The following SEPTIN3 variants were observed in gnomAD, a reference collection of about 807,000 sequenced individuals.
SEPTIN3 encodes neuronal-specific septin-3.
SEPTIN3 carries 15 observed loss-of-function variants against 45.1 expected under a neutral mutation model. The observed-to-expected ratio is 0.33, with a 90% CI of 0.22 to 0.51. SEPTIN3 has a LOEUF of 0.51. Among genes scored for constraint, SEPTIN3 ranks in the 20% least tolerant of loss-of-function variants. SEPTIN3 has a pLI of 0.97. For synonymous variants in SEPTIN3, 148 were observed against 164.8 expected (o/e 0.90, Z 0.78); for missense variants, 289 against 457.2 (o/e 0.63, Z 3.35).
intron 7 of SEPTIN3, among the ~76,000 whole-genome samples, chr22:41,990,761 A>G (rs919280474): frequency 4.2e-5 from 6 of 141,620 alleles, no homozygotes; most frequent in African/African-American, 1.6e-4. Context: ...AAAAAAAAAA[A>G]AAAAAAAGAA....
chr22:41,994,610 G>GT lies in SEPTIN3; in HGVS notation c.2412-10dup, dbSNP rs1261041571. ...ATTGCAGCCCTCTTCTTCTCACCCT[G>GT]TGTCCTCTAGGACCCACCTCCAGGA... On this transcript the variant is annotated splice_polypyrimidine_tract_variant and intron_variant, in intron 10 of 11. Coordinates refer to ENST00000644076, the MANE Select transcript of SEPTIN3 (RefSeq NM_001363845.2). This position sits in a 1 kb window ranked among gnomAD's most constrained non-coding sequence, Gnocchi z 4.2. The GT allele has an allele frequency of 1.9e-6, 3 of 1,613,918 alleles. No individual in the cohort carries two copies. The highest frequency in any genetic ancestry group is 1.7e-6 in the Non-Finnish European group (2 of 1,179,992).
Position 41,977,000 on chromosome 22 carries a change from C to G in SEPTIN3, c.1504+4004C>G. 6.4e-7 allele frequency: 1 copy of G among 1,553,176 alleles called. No individual in the cohort carries two copies. Among genetic ancestry groups the G allele is most frequent in the South Asian group, 1.2e-5 (1 of 85,682 alleles). On this transcript the variant is annotated intron_variant, in intron 2 of 11. Coordinates refer to ENST00000644076, the MANE Select transcript of SEPTIN3 (RefSeq NM_001363845.2). This position sits in a 1 kb window ranked among gnomAD's most constrained non-coding sequence, Gnocchi z 5.8. ...CGCTCGGCCCGGGGAAGCCCGCGCC[C>G]CGCTCAGCCTTGCAGCCCCGCGCCC... is the stretch of plus-strand genomic sequence containing the variant.
In SEPTIN3 at chr22:41,985,964, C is replaced by T. The variant is rs745699286; in HGVS notation, c.1697-20C>T. The stretch of plus-strand genomic sequence containing the variant: ...GGTGGATGCAGAGTCTCCCTACCTC[C>T]TCCTCCTGCTTTGCTGTAGGCCAGA... On this transcript the variant is annotated intron_variant, in intron 3 of 11. Transcript: ENST00000644076. The T allele has an allele frequency of 3.8e-6, 6 of 1,592,262 alleles. No individual in the cohort carries two copies. Among genetic ancestry groups the T allele is most frequent in the Non-Finnish European group, 5.1e-6 (6 of 1,169,054 alleles).
chr22:41,990,474 G>GTAATTTTACAATCCA (rs2078289715), intron 7 of SEPTIN3, among the ~76,000 whole-genome samples: 2 of 151,814 alleles, frequency 1.3e-5, no homozygotes, highest in African/African-American at 2.4e-5. Flanking sequence ...AGTTGGGCGT[G>GTAATTTTACAATCCA]GTGGCTCATG....
intron 11 of SEPTIN3, chr22:41,995,751 G>A: frequency 1.0e-6 from 1 of 982,702 alleles, no homozygotes; most frequent in Non-Finnish European, 1.2e-6. Context: ...CTGTAGTCAA[G>A]CACCTGAACA....
At chr22:41,988,446 A>G (rs572691457) in intron 6 of SEPTIN3, among the ~76,000 whole-genome samples, 11 of 152,254 alleles carry the variant, frequency 7.2e-5, no homozygotes, top group Admixed American at 5.2e-4. Context: ...CCATAACATT[A>G]CTAAGCCCAG....
chr22:41,996,891 C>A lies in SEPTIN3; in HGVS notation c.2506-11C>A, dbSNP rs781247904. On this transcript the variant is annotated splice_polypyrimidine_tract_variant and intron_variant, in intron 11 of 11. Coordinates refer to ENST00000644076, the MANE Select transcript of SEPTIN3 (RefSeq NM_001363845.2). ...TCTCCACACCCTCAACCGTTCTCAA[C>A]CCCCCTGCAGGGAGAAGGCCTCCTG... is the stretch of plus-strand genomic sequence containing the variant. 2.5e-6 allele frequency: 4 copies of A among 1,613,066 alleles called. No individual in the cohort carries two copies. Among genetic ancestry groups the A allele is most frequent in the Admixed American group, 3.3e-5 (2 of 59,884 alleles).
At chr22:41,981,593 C>T (rs757422089) in intron 2 of SEPTIN3, 52 bp from the exon 3 acceptor site, 26 of 1,463,716 alleles carry the variant, frequency 1.8e-5, no homozygotes, top group Non-Finnish European at 2.3e-5. Context: ...TCCATGTGAC[C>T]TCTGCCGTCC....
chr22:41,989,719 A>T (rs1407730660), intron 7 of SEPTIN3, 35 bp downstream of exon 7: 17 of 1,372,410 alleles, frequency 1.2e-5, no homozygotes, highest in Middle Eastern at 1.8e-4. Flanking sequence ...TCCTGTTCCC[A>T]TCCCCTCCTT....
chr22:41,985,899 T>G (rs1333362489), intron 3 of SEPTIN3, 85 bp from the exon 4 acceptor site: 14 of 1,470,784 alleles, frequency 9.5e-6, no homozygotes, highest in Non-Finnish European at 1.3e-5. Flanking sequence ...ATCATGGCTC[T>G]AGAATTCTGT....
intron 2 of SEPTIN3, among the ~76,000 whole-genome samples, chr22:41,974,860 G>GAAAAAAAAAAAAA (rs55642127): frequency 2.7e-5 from 2 of 74,290 alleles, no homozygotes; most frequent in African/African-American, 1.0e-4. Flanking sequence ...GTCTCAAAAA[G>GAAAAAAAAAAAAA]AAAAAAAAAA....
At chr22:41,982,062 G>T in intron 3 of SEPTIN3, 1 of 567,916 alleles carries the variant, frequency 1.8e-6, no homozygotes, top group Middle Eastern at 4.7e-4. Context: ...CCCATCACCA[G>T]CTCGGTGTAC....
At chr22:41,977,665 G>C (rs368156047) in intron 2 of SEPTIN3, among the ~76,000 whole-genome samples, 4 of 151,792 alleles carry the variant, frequency 2.6e-5, no homozygotes, top group African/African-American at 7.3e-5. Flanking sequence ...TGAAGGCTGC[G>C]GGGGGCTGAG....
In SEPTIN3 at chr22:41,986,090, GGA is replaced by G; in HGVS notation, c.1806_1807del (p.Glu602AspfsTer32). The G allele has an allele frequency of 6.2e-7, 1 of 1,613,484 alleles. No individual in the cohort carries two copies. The highest frequency in any genetic ancestry group is 8.5e-7 in the Non-Finnish European group (1 of 1,179,732). ...NREEKIPKTV[E>X]IKAIGHVIEE... ...GGGAGGAGAAGATCCCCAAGACAGTGGAGATCAAAGCTATCGGGCATGGTGAG... is the reference window on the plus strand; with the variant it reads ...GGGAGGAGAAGATCCCCAAGACAGTGGATCAAAGCTATCGGGCATGGTGAG... On this transcript the variant is annotated frameshift_variant, in exon 4 of 12. Transcript: ENST00000644076. LOFTEE classifies it high-confidence loss of function.
chr22:41,970,979 C>T (rs2077952435), intron 1 of SEPTIN3, among the ~76,000 whole-genome samples: 1 of 152,220 alleles, frequency 6.6e-6, no homozygotes, highest in Admixed American at 6.5e-5. Flanking sequence ...CTCATCCTGC[C>T]ACCTGGACAC....
At chr22:41,991,432 G>A in intron 7 of SEPTIN3, 141 bp from the exon 8 acceptor site, 1 of 680,178 alleles carries the variant, frequency 1.5e-6, no homozygotes, top group East Asian at 2.6e-5. Flanking sequence ...TGCTGCTCAG[G>A]GTCTCAGAGT....
At chr22:41,982,449 A>G (rs1009876692) in intron 3 of SEPTIN3, among the ~76,000 whole-genome samples, 1 of 152,204 alleles carries the variant, frequency 6.6e-6, no homozygotes, top group Non-Finnish European at 1.5e-5. Flanking sequence ...TGGAGGTTGC[A>G]GTGAGCTGAG....
intron 3 of SEPTIN3, among the ~76,000 whole-genome samples, chr22:41,982,423 G>A (rs762535798): frequency 4.6e-5 from 7 of 152,092 alleles, no homozygotes; most frequent in African/African-American, 9.7e-5. Context: ...CAGGAGAATC[G>A]CTCGAACCCG....
At chr22:41,980,228 TC>T (rs1266248139) in intron 2 of SEPTIN3, among the ~76,000 whole-genome samples, 1 of 148,236 alleles carries the variant, frequency 6.7e-6, no homozygotes, top group Non-Finnish European at 1.5e-5. Context: ...AACTCCGCCT[TC>T]CGATTTCAAG....
Sources: gnomAD v4.1 joint callset for allele counts (sites outside exome capture counted in the v4.1 genomes callset) on GRCh38, gnomAD v4.1.1 for gene constraint, Gnocchi (gnomAD v3.1) non-coding constraint, MANE v1.5 for transcripts, NCBI Gene and HGNC (gene_info 2026-07-23, HGNC 2026-07-21) for gene names.